Variants in FGF10 observed in about 807,000 individuals in gnomAD.
FGF10 encodes the protein fibroblast growth factor 10, also known as FGF-10.
FGF10 carries 2 observed loss-of-function variants against 19.8 expected under a neutral mutation model. That is an observed-to-expected ratio of 0.10 (90% CI 0.04 to 0.32). The LOEUF (loss-of-function observed/expected upper bound fraction) is 0.32. Ranked by LOEUF, FGF10 falls within the 10% of genes least tolerant of loss-of-function variation. The pLI, the probability that FGF10 is intolerant of heterozygous loss-of-function variation, is 1.00. For missense variants in FGF10, 191 were observed against 246.3 expected (o/e 0.78, Z 1.50); for synonymous variants, 112 against 94.0 (o/e 1.19, Z -1.10).
chr5:44,366,655 C>A (rs1741620946), intron 1 of FGF10, among the ~76,000 whole-genome samples: 1 of 151,952 alleles, frequency 6.6e-6, no homozygotes, highest in African/African-American at 2.4e-5. Flanking sequence ...TATCAATTTG[C>A]CTTCAAAAGC....
chr5:44,304,064 A>C lies in FGF10; in HGVS notation c.*931T>G, dbSNP rs531809085. 6.6e-6 allele frequency: 1 copy of C among 152,234 alleles called. No homozygotes were observed. Among genetic ancestry groups the C allele is most frequent in the East Asian group, 1.9e-4 (1 of 5,190 alleles). The allele number at this position is 152,234 out of a possible 1,614,324, so 9.4% of individuals were successfully genotyped here. On this transcript the variant is annotated 3_prime_UTR_variant, in exon 3 of 3. Transcript: ENST00000264664. ...ATTTCTTGAGACAGGAAGCCTCGAGAGTAATATATGTTTTCAAATGATAGC... is the reference window on the plus strand; with the variant it reads ...ATTTCTTGAGACAGGAAGCCTCGAGCGTAATATATGTTTTCAAATGATAGC...
chr5:44,340,886 G>A (rs971722538), intron 1 of FGF10, among the ~76,000 whole-genome samples: 8 of 151,368 alleles, frequency 5.3e-5, no homozygotes, highest in Non-Finnish European at 1.2e-4. Flanking sequence ...ATCCAAGGTG[G>A]AAGGGGAGAG....
At chr5:44,369,955 C>T (rs1287416309) in intron 1 of FGF10, among the ~76,000 whole-genome samples, 1 of 152,050 alleles carries the variant, frequency 6.6e-6, no homozygotes, top group Non-Finnish European at 1.5e-5. Flanking sequence ...TTTAGTGTTA[C>T]TCTTAATTTT....
Position 44,302,013 on chromosome 5 carries a change from G to A in FGF10, c.*2982C>T, listed in dbSNP as rs1739974770. 1.3e-5 allele frequency among the ~76,000 whole-genome samples: 2 copies of A among 151,752 alleles called. No homozygotes were observed. The highest frequency in any genetic ancestry group is 1.3e-4 in the Admixed American group (2 of 15,220). On this transcript the variant is annotated 3_prime_UTR_variant, in exon 3 of 3. Coordinates refer to ENST00000264664, the MANE Select transcript of FGF10 (RefSeq NM_004465.2). ...AAATGGACACATATTTGTGGCTGAT[G>A]CACTTTAACTTTGTGGGCCTGGGAC...
At chr5:44,359,582 T>C (rs540126635) in intron 1 of FGF10, among the ~76,000 whole-genome samples, 31 of 151,614 alleles carry the variant, frequency 2.0e-4, no homozygotes, top group Admixed American at 1.8e-3. Context: ...ATTAGTGGGG[T>C]AACTTCAGTA....
intron 1 of FGF10, among the ~76,000 whole-genome samples, chr5:44,354,912 G>T (rs1429890964): frequency 2.0e-5 from 3 of 151,364 alleles, no homozygotes; most frequent in Admixed American, 6.6e-5. Flanking sequence ...ATCAGATCTT[G>T]GTTTTATTAG....
intron 2 of FGF10, among the ~76,000 whole-genome samples, chr5:44,305,748 T>C (rs7715401): frequency 0.15 from 22,381 of 152,094 alleles, 3,729 homozygotes; most frequent in African/African-American, 0.39. Flanking sequence ...TTCTTCCAAA[T>C]ATCAAATTTC....
intron 1 of FGF10, among the ~76,000 whole-genome samples, chr5:44,382,416 C>T (rs901999062): frequency 6.6e-6 from 1 of 152,102 alleles, no homozygotes; most frequent in African/African-American, 2.4e-5. Context: ...TTCTGTAAAA[C>T]ATCAACATTT....
chr5:44,326,936 T>C (rs757762800), intron 1 of FGF10, among the ~76,000 whole-genome samples: 21 of 152,168 alleles, frequency 1.4e-4, no homozygotes, highest in Admixed American at 6.5e-5. Flanking sequence ...AAGGGGACAC[T>C]ACAGGAAAAG....
intron 1 of FGF10, among the ~76,000 whole-genome samples, chr5:44,383,218 A>G (rs1433263515): frequency 2.6e-5 from 4 of 152,080 alleles, no homozygotes; most frequent in Non-Finnish European, 5.9e-5. Context: ...TCTGGACATT[A>G]AAGTAATTGT....
chr5:44,305,315 G>A (rs1414133148), intron 2 of FGF10, 123 bp from the exon 3 acceptor site: 3 of 808,804 alleles, frequency 3.7e-6, no homozygotes, highest in Non-Finnish European at 4.2e-6. Context: ...TACCTAAGTT[G>A]TGCACTTAAT....
intron 1 of FGF10, among the ~76,000 whole-genome samples, chr5:44,365,114 AGT>A (rs1741575007): frequency 6.6e-6 from 1 of 151,894 alleles, no homozygotes; most frequent in Non-Finnish European, 1.5e-5. Context: ...AATAACAAAG[AGT>A]GTGATTTGTG....
At position 44,305,139 on chromosome 5, in the gene FGF10, G is replaced by A. The variant is rs1561195037; in HGVS notation, c.483C>T (p.Tyr161=). ...GCCAGTTAAATGATGCATAGGTATTGTATCCATTTTCCTCTATCCTCTCCT... is the reference window on the plus strand; with the variant it reads ...GCCAGTTAAATGATGCATAGGTATTATATCCATTTTCCTCTATCCTCTCCT... ...KLKERIEENG[Y]NTYASFNWQH... Residue 161 remains tyrosine (Y), a synonymous_variant, in exon 3 of 3, where the codon TAC becomes TAT. Coordinates refer to ENST00000264664, the MANE Select transcript of FGF10 (RefSeq NM_004465.2). 1 of 1,613,858 alleles carries A rather than the reference G, an allele frequency of 6.2e-7. No homozygotes were observed.
intron 1 of FGF10, among the ~76,000 whole-genome samples, chr5:44,349,455 T>TAAGA (rs1741180905): frequency 2.8e-5 from 1 of 35,998 alleles, no homozygotes; most frequent in Admixed American, 3.5e-4. Flanking sequence ...TATATATATA[T>TAAGA]ATATATATAT....
intron 2 of FGF10, among the ~76,000 whole-genome samples, chr5:44,307,021 A>G (rs2111674085): frequency 6.6e-6 from 1 of 152,300 alleles, no homozygotes; most frequent in African/African-American, 2.4e-5. Flanking sequence ...TAAATGGGGT[A>G]CAGTTTAGAG....
chr5:44,388,922 T>A lies in FGF10; in HGVS notation c.-240A>T. The A allele has an allele frequency of 5.1e-6, 3 of 583,764 alleles. No homozygotes were observed. The highest frequency in any genetic ancestry group is 9.2e-6 in the Non-Finnish European group (3 of 324,798). 36.2% of individuals were successfully genotyped at this position (583,764 alleles called of 1,614,324 possible). A position where few individuals can be genotyped will look rare whatever the true frequency, so the allele number is the denominator to read the frequency against. On this transcript the variant is annotated 5_prime_UTR_variant, in exon 1 of 3. Transcript: ENST00000264664. ...GCCTCTGGAGCCTCCCGGTAAATGG[T>A]GGACGTGGGTGGCCGCAGCAGCAGG...
At chr5:44,386,761 T>C (rs1235286366) in intron 1 of FGF10, among the ~76,000 whole-genome samples, 1 of 152,214 alleles carries the variant, frequency 6.6e-6, no homozygotes. Flanking sequence ...TTTTTATTAC[T>C]TATAAACATA....
chr5:44,345,592 G>T (rs1741073370), intron 1 of FGF10, among the ~76,000 whole-genome samples: 1 of 141,510 alleles, frequency 7.1e-6, no homozygotes, highest in African/African-American at 2.6e-5. Context: ...GAAATAGAAA[G>T]TTTTTCCCCA....
chr5:44,349,021 G>A (rs1242768780), intron 1 of FGF10, among the ~76,000 whole-genome samples: 1 of 151,546 alleles, frequency 6.6e-6, no homozygotes, highest in East Asian at 2.0e-4. Context: ...ACTCGTTCAA[G>A]AAATTTATGA....
Sources: gnomAD v4.1 joint callset for allele counts (sites outside exome capture counted in the v4.1 genomes callset) on GRCh38, gnomAD v4.1.1 for gene constraint, MANE v1.5 for transcripts, NCBI Gene and HGNC (gene_info 2026-07-23, HGNC 2026-07-21) for gene names.